Variants in NXPH1 observed in about 807,000 individuals in gnomAD.
NXPH1 encodes the protein neurexophilin 1, also known as neurexophilin-1.
In NXPH1, 5 loss-of-function variants were observed where a neutral mutation model predicts 23.7. That is an observed-to-expected ratio of 0.21 (90% CI 0.11 to 0.44). The LOEUF (loss-of-function observed/expected upper bound fraction) is 0.44. Ranked by LOEUF, NXPH1 falls within the 20% of genes least tolerant of loss-of-function variation. The pLI is 0.99. For synonymous variants in NXPH1, 144 were observed against 122.2 expected (o/e 1.18, Z -1.18); for missense variants, 324 against 321.6 (o/e 1.01, Z -0.06).
In NXPH1 at chr7:8,435,516, T is replaced by A; in HGVS notation, c.-110-88T>A. On this transcript the variant is annotated intron_variant, in intron 1 of 2. Coordinates refer to ENST00000405863, the MANE Select transcript of NXPH1 (RefSeq NM_152745.3). The surrounding 1 kb of genome is among the most constrained non-coding windows in gnomAD (Gnocchi z 5.9). ...CTCCCTTTTTTTTTTGGTCCCCCACTCCCCGCTACGACCCCCTTTCCCCGC... is the reference window on the plus strand; with the variant it reads ...CTCCCTTTTTTTTTTGGTCCCCCACACCCCGCTACGACCCCCTTTCCCCGC... 1.7e-4 allele frequency: 86 copies of A among 504,262 alleles called. No individual in the cohort carries two copies. Among genetic ancestry groups the A allele is most frequent in the Middle Eastern group, 1.1e-3 (2 of 1,864 alleles). The allele number at this position is 504,262 out of a possible 1,614,324, so 31.2% of individuals were successfully genotyped here. A position where few individuals can be genotyped will look rare whatever the true frequency, so the allele number is the denominator to read the frequency against.
chr7:8,640,429 G>T (rs141607350), intron 2 of NXPH1, among the ~76,000 whole-genome samples: 1 of 149,376 alleles, frequency 6.7e-6, no homozygotes, highest in Admixed American at 6.8e-5. Context: ...TATTTATTAA[G>T]TATTAAATAT....
intron 2 of NXPH1, among the ~76,000 whole-genome samples, chr7:8,513,148 C>G (rs975052277): frequency 6.6e-6 from 1 of 151,978 alleles, no homozygotes; most frequent in Non-Finnish European, 1.5e-5. Flanking sequence ...AATGAGAGAA[C>G]GTTACTTGGG....
Position 8,751,484 on chromosome 7 carries a change from C to T in NXPH1, c.531C>T (p.Asp177=), listed in dbSNP as rs777393397. ...CCCCTACAAAAATCGTGGAATTTGACTTGGCACAACAAACCGTGATTGATG... is the reference window on the plus strand; with the variant it reads ...CCCCTACAAAAATCGTGGAATTTGATTTGGCACAACAAACCGTGATTGATG... ...LVPPTKIVEF[D]LAQQTVIDAK... Residue 177 remains aspartate (D), a synonymous_variant, in exon 3 of 3, where the codon GAC becomes GAT. Transcript: ENST00000405863. This position sits in a 1 kb window ranked among gnomAD's most constrained non-coding sequence, Gnocchi z 4.5. 20 of 1,613,640 alleles carry T rather than the reference C, an allele frequency of 1.2e-5. No individual in the cohort carries two copies. The highest frequency in any genetic ancestry group is 1.7e-6 in the Non-Finnish European group (2 of 1,179,848).
At chr7:8,464,930 C>G (rs974960896) in intron 2 of NXPH1, among the ~76,000 whole-genome samples, 1 of 152,096 alleles carries the variant, frequency 6.6e-6, no homozygotes, top group Non-Finnish European at 1.5e-5. Flanking sequence ...AGACTGTGGA[C>G]TTTTGATGTT....
intron 2 of NXPH1, among the ~76,000 whole-genome samples, chr7:8,636,166 A>G (rs543223583): frequency 6.6e-6 from 1 of 152,116 alleles, no homozygotes; most frequent in Non-Finnish European, 1.5e-5. Context: ...GTGCTTACAT[A>G]CTCAGGAGAC....
Position 8,435,667 on chromosome 7 carries a change from CAA to C in NXPH1, c.-45_-44del, listed in dbSNP as rs771047775. 3 of 1,576,134 alleles carry C rather than the reference CAA, an allele frequency of 1.9e-6. No homozygotes were observed. Among genetic ancestry groups the C allele is most frequent in the Non-Finnish European group, 2.6e-6 (3 of 1,145,560 alleles). On this transcript the variant is annotated 5_prime_UTR_variant, in exon 2 of 3. The change abolishes the stop of an existing upstream ORF in the 5' untranslated region. Transcript: ENST00000405863. The surrounding 1 kb of genome is among the most constrained non-coding windows in gnomAD (Gnocchi z 5.9). ...AGGTGGATCTATGTTTCTGAAGGAACAAAGACTCAAAGAAGGCACCGCCAAGG... is the reference window on the plus strand; with the variant it reads ...AGGTGGATCTATGTTTCTGAAGGAACAGACTCAAAGAAGGCACCGCCAAGG...
rs923648421 is a variant in NXPH1, at chr7:8,634,115, T to A, written c.55-116893T>A. ...TTTTTTCATTTCCTGGTGATGTCGTTTAGCTGTGTCCCCACTCAAATCTCA... is the reference window on the plus strand; with the variant it reads ...TTTTTTCATTTCCTGGTGATGTCGTATAGCTGTGTCCCCACTCAAATCTCA... On this transcript the variant is annotated intron_variant, in intron 2 of 2. Transcript: ENST00000405863. Among the ~76,000 whole-genome samples, 5 of 152,274 alleles carry A rather than the reference T, an allele frequency of 3.3e-5. No individual in the cohort carries two copies. The Middle Eastern group carries it at 0.01, about 311-fold the overall frequency.
chr7:8,529,636 T>C (rs898097987), intron 2 of NXPH1, among the ~76,000 whole-genome samples: 4 of 152,206 alleles, frequency 2.6e-5, no homozygotes, highest in African/African-American at 4.8e-5. Flanking sequence ...AATCAAATTA[T>C]TTAATTATAT....
intron 2 of NXPH1, among the ~76,000 whole-genome samples, chr7:8,577,902 C>A (rs1818785196): frequency 6.6e-6 from 1 of 152,166 alleles, no homozygotes; most frequent in African/African-American, 2.4e-5. Flanking sequence ...AAATTGTGAG[C>A]CACATGAGTG....
At chr7:8,746,263 C>A (rs1447381968) in intron 2 of NXPH1, among the ~76,000 whole-genome samples, 1 of 152,152 alleles carries the variant, frequency 6.6e-6, no homozygotes, top group Non-Finnish European at 1.5e-5. Flanking sequence ...CTCTTTTAGA[C>A]ATTGCCCTAC....
At chr7:8,555,404 T>G (rs1414396561) in intron 2 of NXPH1, among the ~76,000 whole-genome samples, 1 of 151,632 alleles carries the variant, frequency 6.6e-6, no homozygotes, top group Non-Finnish European at 1.5e-5. Context: ...ACGAGTAGAT[T>G]TTGAACAATC....
chr7:8,641,779 A>G (rs1820317295), intron 2 of NXPH1, among the ~76,000 whole-genome samples: 1 of 152,162 alleles, frequency 6.6e-6, no homozygotes, highest in Non-Finnish European at 1.5e-5. Flanking sequence ...CATGAGTTAT[A>G]TACTATAATT....
At chr7:8,490,684 G>A (rs565167445) in intron 2 of NXPH1, among the ~76,000 whole-genome samples, 147 of 152,094 alleles carry the variant, frequency 9.7e-4, no homozygotes, top group African/African-American at 3.5e-3. Flanking sequence ...GTTATAAAAT[G>A]TGAGAATCAC....
Position 8,740,619 on chromosome 7 carries a change from G to A in NXPH1, c.55-10389G>A, listed in dbSNP as rs564092008. Among the ~76,000 whole-genome samples, 9 of 152,184 alleles carry A rather than the reference G, an allele frequency of 5.9e-5. No individual in the cohort carries two copies. The South Asian group carries it at 1.0e-3, about 18-fold the overall frequency. On this transcript the variant is annotated intron_variant, in intron 2 of 2. Transcript: ENST00000405863. ...GAGAGAGCCATGAAGCTCCTTTTCTGCTTTTCCATTGTTAATGCAGCTCTG... is the reference window on the plus strand; with the variant it reads ...GAGAGAGCCATGAAGCTCCTTTTCTACTTTTCCATTGTTAATGCAGCTCTG...
chr7:8,589,664 A>C (rs1819051314), intron 2 of NXPH1, among the ~76,000 whole-genome samples: 1 of 152,152 alleles, frequency 6.6e-6, no homozygotes, highest in Non-Finnish European at 1.5e-5. Flanking sequence ...TAACCTGAAG[A>C]GAAGTTGGTG....
chr7:8,455,358 A>G (rs1350273761), intron 2 of NXPH1, among the ~76,000 whole-genome samples: 2 of 152,154 alleles, frequency 1.3e-5, no homozygotes, highest in Non-Finnish European at 2.9e-5. Flanking sequence ...GTATGAAGAA[A>G]ATTGATGTGC....
At chr7:8,540,026 T>C (rs755993212) in intron 2 of NXPH1, among the ~76,000 whole-genome samples, 5 of 151,870 alleles carry the variant, frequency 3.3e-5, no homozygotes, top group African/African-American at 4.8e-5. Context: ...CATTTAGTGG[T>C]TTTGTTGTAT....
intron 2 of NXPH1, among the ~76,000 whole-genome samples, chr7:8,715,496 C>T (rs935038460): frequency 3.3e-5 from 5 of 152,122 alleles, no homozygotes; most frequent in South Asian, 2.1e-4. Context: ...GGCTTCTATT[C>T]GGCCATCTTG....
At chr7:8,478,820 A>G (rs142762113) in intron 2 of NXPH1, among the ~76,000 whole-genome samples, 256 of 152,190 alleles carry the variant, frequency 1.7e-3, no homozygotes, top group African/African-American at 5.8e-3. Context: ...ATTCTTTATA[A>G]CAGAACAAAA....
Sources: gnomAD v4.1 joint callset for allele counts (sites outside exome capture counted in the v4.1 genomes callset) on GRCh38, gnomAD v4.1.1 for gene constraint, Gnocchi (gnomAD v3.1) non-coding constraint, MANE v1.5 for transcripts, NCBI Gene and HGNC (gene_info 2026-07-23, HGNC 2026-07-21) for gene names.